The following SUSD6 variants were observed in gnomAD, a reference collection of about 807,000 sequenced individuals.
SUSD6 encodes sushi domain containing 6.
In SUSD6, 16 loss-of-function variants were observed where a neutral mutation model predicts 28.4. That is an observed-to-expected ratio of 0.56 (90% CI 0.38 to 0.86). The LOEUF (loss-of-function observed/expected upper bound fraction) is 0.86. SUSD6 is among the 40% of genes least tolerant of loss of function. SUSD6 has a pLI of 0.00. For synonymous variants in SUSD6, 147 were observed against 159.6 expected (o/e 0.92, Z 0.59); for missense variants, 341 against 384.2 (o/e 0.89, Z 0.94).
At chr14:69,635,304 T>C (rs1885247689) in intron 1 of SUSD6, among the ~76,000 whole-genome samples, 1 of 152,216 alleles carries the variant, frequency 6.6e-6, no homozygotes, top group Admixed American at 6.5e-5. Context: ...CTTTTTGGAA[T>C]AGGGTGTATT....
intron 1 of SUSD6, among the ~76,000 whole-genome samples, chr14:69,646,789 C>T (rs1885434150): frequency 6.9e-6 from 1 of 144,650 alleles, no homozygotes; most frequent in Non-Finnish European, 1.5e-5. Context: ...GCAAGCTCTG[C>T]TTCCCAGGTT....
Position 69,704,674 on chromosome 14 carries a change from G to T in SUSD6, c.390G>T (p.Ala130=), listed in dbSNP as rs148189458. The change falls in exon 4 of 6, where the codon GCG becomes GCT. Residue 130 remains alanine (A), a synonymous_variant. Coordinates refer to ENST00000342745, the MANE Select transcript of SUSD6 (RefSeq NM_014734.4). ...TGGCTTCTACTGCCAGCTCCGTGGCGCTCATTCTCCTCCTCGTGGTGCTGT... is the reference window on the plus strand; with the variant it reads ...TGGCTTCTACTGCCAGCTCCGTGGCTCTCATTCTCCTCCTCGTGGTGCTGT... ...SIVASTASSV[A]LILLLVVLFV... 21 of 1,613,980 alleles carry T rather than the reference G, an allele frequency of 1.3e-5. No homozygotes were observed. The highest frequency in any genetic ancestry group is 1.7e-5 in the Non-Finnish European group (20 of 1,179,992).
intron 2 of SUSD6, among the ~76,000 whole-genome samples, chr14:69,695,772 G>A (rs552427059): frequency 6.6e-6 from 1 of 152,146 alleles, no homozygotes; most frequent in African/African-American, 2.4e-5. Flanking sequence ...GTTTCTAGAG[G>A]GTTTTTTGTG....
At chr14:69,704,528 A>G in intron 3 of SUSD6, 76 bp from the exon 4 acceptor site, 1 of 1,469,382 alleles carries the variant, frequency 6.8e-7, no homozygotes. Flanking sequence ...GCATTTGACA[A>G]GATCAGCTGT....
chr14:69,629,382 A>G lies in SUSD6; in HGVS notation c.-81+17554A>G, dbSNP rs115718727. 7.4e-3 allele frequency among the ~76,000 whole-genome samples: 1,129 copies of G among 152,188 alleles called. 15 individuals carry two copies. The highest frequency in any genetic ancestry group is 0.026 in the African/African-American group (1,059 of 41,518). ...GCCTTTTAATCCCTGGTATTTATAG[A>G]CTGGCCTGTACTCTACTGAAAGGCA... On this transcript the variant is annotated intron_variant, in intron 1 of 5. Coordinates refer to ENST00000342745, the MANE Select transcript of SUSD6 (RefSeq NM_014734.4).
At chr14:69,704,538 T>G in intron 3 of SUSD6, 66 bp from the exon 4 acceptor site, 1 of 1,499,690 alleles carries the variant, frequency 6.7e-7, no homozygotes, top group South Asian at 1.3e-5. Context: ...AGATCAGCTG[T>G]GGGGCCCATC....
At position 69,688,412 on chromosome 14, in the gene SUSD6, C is replaced by T. The variant is rs976671696; in HGVS notation, c.122-14983C>T. On this transcript the variant is annotated intron_variant, in intron 2 of 5. Coordinates refer to ENST00000342745, the MANE Select transcript of SUSD6 (RefSeq NM_014734.4). ...TGCATGCATGCAGGCACAATGGGACCCATTGATTTCTGGCATTCAGCTTGT... is the reference window on the plus strand; with the variant it reads ...TGCATGCATGCAGGCACAATGGGACTCATTGATTTCTGGCATTCAGCTTGT... 1.4e-4 allele frequency among the ~76,000 whole-genome samples: 21 copies of T among 152,274 alleles called. No homozygotes were observed. In the East Asian group the frequency reaches 4.0e-3, roughly 29 times the overall value.
intron 1 of SUSD6, among the ~76,000 whole-genome samples, chr14:69,622,314 G>A (rs1885052707): frequency 6.6e-6 from 1 of 152,020 alleles, no homozygotes; most frequent in South Asian, 2.1e-4. Context: ...ACAGGCATGT[G>A]TCACCATGCC....
chr14:69,705,377 C>A (rs78532948), intron 4 of SUSD6, among the ~76,000 whole-genome samples: 1 of 151,992 alleles, frequency 6.6e-6, no homozygotes, highest in African/African-American at 2.4e-5. Context: ...CATGTCATTT[C>A]CCCTACACCA....
chr14:69,690,366 G>C (rs1886136143), intron 2 of SUSD6, among the ~76,000 whole-genome samples: 1 of 152,216 alleles, frequency 6.6e-6, no homozygotes, highest in Non-Finnish European at 1.5e-5. Context: ...TAGACCTTCA[G>C]GGCCAGGCAT....
chr14:69,697,278 G>A (rs1005211914), intron 2 of SUSD6, among the ~76,000 whole-genome samples: 55 of 152,226 alleles, frequency 3.6e-4, no homozygotes, highest in African/African-American at 1.2e-3. Flanking sequence ...TGCCCAACCT[G>A]TTTTATTGGT....
intron 1 of SUSD6, 137 bp from the exon 2 acceptor site, chr14:69,658,376 T>G: frequency 1.8e-6 from 1 of 559,446 alleles, no homozygotes; most frequent in Non-Finnish European, 3.2e-6. Flanking sequence ...TGCTTGCCTC[T>G]CCTGGCAGCA....
At chr14:69,651,985 C>G (rs1004625128) in intron 1 of SUSD6, among the ~76,000 whole-genome samples, 1 of 152,112 alleles carries the variant, frequency 6.6e-6, no homozygotes, top group Non-Finnish European at 1.5e-5. Context: ...TGTTCTTTGT[C>G]CTTTCTCATC....
chr14:69,636,414 C>G (rs577192435), intron 1 of SUSD6, among the ~76,000 whole-genome samples: 35 of 152,202 alleles, frequency 2.3e-4, no homozygotes, highest in Non-Finnish European at 4.4e-4. Flanking sequence ...GTGTGACCAG[C>G]CAGGGGTAGG....
intron 2 of SUSD6, among the ~76,000 whole-genome samples, chr14:69,662,026 C>T (rs1885669716): frequency 6.6e-6 from 1 of 152,118 alleles, no homozygotes; most frequent in Non-Finnish European, 1.5e-5. Context: ...TGAAGTGATC[C>T]TCTCCCCTCT....
At chr14:69,646,741 G>A (rs904602235) in intron 1 of SUSD6, among the ~76,000 whole-genome samples, 6 of 116,466 alleles carry the variant, frequency 5.2e-5, no homozygotes, top group Admixed American at 1.3e-4. Context: ...TCACTCTGTC[G>A]CCCAGGCTGG....
intron 2 of SUSD6, among the ~76,000 whole-genome samples, chr14:69,672,540 C>A (rs990411174): frequency 4.6e-5 from 7 of 152,148 alleles, no homozygotes; most frequent in Admixed American, 2.0e-4. Context: ...TCCTATTAGG[C>A]TGTGGTGGAA....
chr14:69,702,942 C>T (rs913489316), intron 2 of SUSD6, among the ~76,000 whole-genome samples: 1 of 152,168 alleles, frequency 6.6e-6, no homozygotes. Context: ...GAAATCCCCT[C>T]TCAGGCCAAG....
rs1359128377 is a variant in SUSD6, at chr14:69,673,830, C to T, written c.121+15117C>T. ...CGGCCCTAGCACTGCCTCTAATGGA[C>T]AGTAACTGAAGGCACCTCATGTTAC... On this transcript the variant is annotated intron_variant, in intron 2 of 5. Transcript: ENST00000342745. Among the ~76,000 whole-genome samples the T allele has an allele frequency of 2.0e-5, 3 of 152,168 alleles. No homozygotes were observed. In the East Asian group the frequency reaches 5.8e-4, roughly 29 times the overall value.
Sources: allele counts gnomAD v4.1 joint callset (sites outside exome capture counted in the v4.1 genomes callset), GRCh38; gene constraint gnomAD v4.1.1; transcripts MANE v1.5; gene names NCBI Gene and HGNC (gene_info 2026-07-23, HGNC 2026-07-21).